The following CNTN1 variants were observed in gnomAD, a reference collection of about 807,000 sequenced individuals.
The protein encoded by CNTN1 is contactin 1.
In CNTN1, 38 loss-of-function variants were observed where a neutral mutation model predicts 126.4. The observed-to-expected ratio is 0.30, with a 90% CI of 0.23 to 0.39. CNTN1 has a LOEUF of 0.39. CNTN1 is among the 10% of genes least tolerant of loss of function. CNTN1 has a pLI of 1.00. For synonymous variants in CNTN1, 413 were observed against 422.6 expected (o/e 0.98, Z 0.28); for missense variants, 1,009 against 1,248.4 (o/e 0.81, Z 2.89).
chr12:40,956,259 A>G (rs192261887), intron 14 of CNTN1, among the ~76,000 whole-genome samples: 2 of 152,120 alleles, frequency 1.3e-5, no homozygotes, highest in East Asian at 3.9e-4. Context: ...AGCTGTATAC[A>G]TATATAACAC....
intron 12 of CNTN1, 33 bp from the exon 13 acceptor site, chr12:40,943,564 G>T (rs1946332618): frequency 1.4e-6 from 2 of 1,472,262 alleles, no homozygotes; most frequent in Non-Finnish European, 1.9e-6. Flanking sequence ...ACTAAATCAG[G>T]TTTGTGAATT....
chr12:40,780,177 T>C lies in CNTN1; in HGVS notation c.-77+87585T>C, dbSNP rs76682968. ...TATATGGAAGAAATTCTCTGTGAAT[T>C]TTGTAATTCACAAATTTTAAGAAGT... is the stretch of plus-strand genomic sequence containing the variant. On this transcript the variant is annotated intron_variant, in intron 1 of 23. Coordinates refer to ENST00000551295, the MANE Select transcript of CNTN1 (RefSeq NM_001843.4). 6.0e-3 allele frequency among the ~76,000 whole-genome samples: 909 copies of C among 152,018 alleles called. 13 individuals carry two copies. The highest frequency in any genetic ancestry group is 0.021 in the African/African-American group (864 of 41,498).
chr12:40,877,091 T>C (rs1171950307), intron 1 of CNTN1, among the ~76,000 whole-genome samples: 2 of 152,178 alleles, frequency 1.3e-5, no homozygotes, highest in East Asian at 3.8e-4. Flanking sequence ...GTTTGTGAGC[T>C]TCTTGAACAA....
intron 23 of CNTN1, among the ~76,000 whole-genome samples, chr12:41,057,125 A>ATAT (rs573095354): frequency 7.1e-6 from 1 of 141,002 alleles, no homozygotes; most frequent in African/African-American, 2.7e-5. Context: ...TTATATTTAG[A>ATAT]TATTTATAAA....
chr12:40,721,715 C>A (rs1942221061), intron 1 of CNTN1, among the ~76,000 whole-genome samples: 1 of 121,674 alleles, frequency 8.2e-6, no homozygotes, highest in Non-Finnish European at 1.7e-5. Flanking sequence ...CCCCACCCCA[C>A]AACAGTCCCC....
chr12:40,968,012 A>G (rs1947368973), intron 15 of CNTN1, among the ~76,000 whole-genome samples: 2 of 151,598 alleles, frequency 1.3e-5, no homozygotes, highest in South Asian at 4.2e-4. Flanking sequence ...TTTATTAAAG[A>G]CATTGTTTAC....
intron 16 of CNTN1, 93 bp from the exon 17 acceptor site, chr12:40,993,027 C>T (rs1373155053): frequency 2.6e-6 from 3 of 1,159,286 alleles, no homozygotes; most frequent in Admixed American, 1.8e-5. Flanking sequence ...GTAATATATA[C>T]CATTCTCCCT....
At chr12:41,051,139 T>C (rs1379784293) in intron 23 of CNTN1, among the ~76,000 whole-genome samples, 1 of 150,338 alleles carries the variant, frequency 6.7e-6, no homozygotes, top group East Asian at 1.9e-4. Flanking sequence ...CATATTGCTT[T>C]GTGATCTTTT....
At chr12:40,864,166 G>A (rs368826865) in intron 1 of CNTN1, among the ~76,000 whole-genome samples, 59 of 151,002 alleles carry the variant, frequency 3.9e-4, no homozygotes, top group African/African-American at 1.2e-3. Flanking sequence ...ACAGGAGCCC[G>A]CCACCACGCC....
At chr12:41,029,331 G>T in intron 23 of CNTN1, 112 bp downstream of exon 23, 1 of 1,225,170 alleles carries the variant, frequency 8.2e-7, no homozygotes, top group Non-Finnish European at 1.2e-6. Context: ...ATTTTCCTAA[G>T]TAGATTGGAC....
chr12:40,962,692 G>A (rs1947147599), intron 15 of CNTN1, among the ~76,000 whole-genome samples: 2 of 152,098 alleles, frequency 1.3e-5, no homozygotes, highest in South Asian at 2.1e-4. Flanking sequence ...CTTATAGAAA[G>A]CTATAGCACT....
intron 15 of CNTN1, chr12:40,971,507 C>A: frequency 6.3e-7 from 1 of 1,596,470 alleles, no homozygotes; most frequent in Non-Finnish European, 8.5e-7. Context: ...TGCCTCCAAC[C>A]TGGTGATCGT....
chr12:41,001,759 T>A (rs1035883767), intron 17 of CNTN1, among the ~76,000 whole-genome samples: 2 of 152,194 alleles, frequency 1.3e-5, no homozygotes, highest in Non-Finnish European at 2.9e-5. Context: ...AGTTTGAGAT[T>A]TTACATTTAT....
At chr12:41,012,844 AC>A (rs1764838122) in intron 17 of CNTN1, among the ~76,000 whole-genome samples, 1 of 152,174 alleles carries the variant, frequency 6.6e-6, no homozygotes, top group Non-Finnish European at 1.5e-5. Context: ...TTAATGTTGT[AC>A]GCTGGTATCA....
chr12:41,032,033 G>A (rs897402498), intron 23 of CNTN1, among the ~76,000 whole-genome samples: 7 of 151,914 alleles, frequency 4.6e-5, no homozygotes, highest in Admixed American at 6.6e-5. Flanking sequence ...TATGCTGTTT[G>A]TTCATTCATT....
intron 1 of CNTN1, among the ~76,000 whole-genome samples, chr12:40,779,322 C>T (rs116668418): frequency 2.0e-3 from 307 of 151,892 alleles, no homozygotes; most frequent in Middle Eastern, 6.8e-3. Context: ...TGCTACTTCT[C>T]ATTCTTAAAA....
At position 40,944,784 on chromosome 12, in the gene CNTN1, AC is replaced by A. The variant is rs143822410; in HGVS notation, c.1683+615del. Among the ~76,000 whole-genome samples the A allele has an allele frequency of 1.0e-3, 155 of 152,234 alleles. 1 individual carries two copies. The East Asian group carries it at 0.018, about 17-fold the overall frequency. The stretch of plus-strand genomic sequence containing the variant: ...TGCAGGCAAAACAACTTGTGTAAGA[AC>A]ATTGTTGGTGTCTTGGTAGGCTGTC... On this transcript the variant is annotated intron_variant, in intron 14 of 23. Transcript: ENST00000551295.
chr12:40,997,407 C>A (rs1194571165), intron 17 of CNTN1, among the ~76,000 whole-genome samples: 2 of 152,288 alleles, frequency 1.3e-5, no homozygotes, highest in East Asian at 3.9e-4. Flanking sequence ...TGATTTCATG[C>A]CTAATGAAGG....
At position 40,795,785 on chromosome 12, in the gene CNTN1, A is replaced by G. The variant is rs183054257; in HGVS notation, c.-77+103193A>G. On this transcript the variant is annotated intron_variant, in intron 1 of 23. Transcript: ENST00000551295. The stretch of plus-strand genomic sequence containing the variant: ...ATACAGTAAACAGAAGCATAAAACA[A>G]TGCCAGTTTTCAGGGATTTCTGTAA... Among the ~76,000 whole-genome samples the G allele has an allele frequency of 5.0e-3, 760 of 152,276 alleles. 9 individuals carry two copies. Among genetic ancestry groups the G allele is most frequent in the Non-Finnish European group, 4.5e-3 (307 of 68,012 alleles).
Sources: allele counts gnomAD v4.1 joint callset (sites outside exome capture counted in the v4.1 genomes callset), GRCh38; gene constraint gnomAD v4.1.1; transcripts MANE v1.5; gene names NCBI Gene and HGNC (gene_info 2026-07-23, HGNC 2026-07-21).